The following WDHD1 variants were observed in gnomAD, a reference collection of about 807,000 sequenced individuals.
WDHD1 encodes WD repeat and HMG-box DNA binding protein 1.
WDHD1 carries 111 observed loss-of-function variants against 135.4 expected under a neutral mutation model. The ratio of observed to expected loss-of-function variants is 0.82; its 90% CI spans 0.70 to 0.96. The LOEUF (loss-of-function observed/expected upper bound fraction) is 0.96, where lower values mean the gene tolerates loss of function less well. Among genes scored for constraint, WDHD1 ranks in the 40% least tolerant of loss-of-function variants. The pLI, the probability that WDHD1 is intolerant of heterozygous loss-of-function variation, is 0.00. For synonymous variants in WDHD1, 434 were observed against 439.0 expected (o/e 0.99, Z 0.14); for missense variants, 1,351 against 1,336.3 (o/e 1.01, Z -0.17).
Position 54,941,406 on chromosome 14 carries a change from A to G in WDHD1, c.*84T>C. ...TTCAAACTCTTTAAAAAATATATATATAATGAGTTTCCCAAAGACTCGAGT... is the reference window on the plus strand; with the variant it reads ...TTCAAACTCTTTAAAAAATATATATGTAATGAGTTTCCCAAAGACTCGAGT... On this transcript the variant is annotated 3_prime_UTR_variant, in exon 26 of 26. Coordinates refer to ENST00000360586, the MANE Select transcript of WDHD1 (RefSeq NM_007086.4). 1 of 1,123,284 alleles carries G rather than the reference A, an allele frequency of 8.9e-7. No individual in the cohort carries two copies. The highest frequency in any genetic ancestry group is 1.6e-5 in the African/African-American group (1 of 63,544). The allele number at this position is 1,123,284 out of a possible 1,614,324, so 69.6% of individuals were successfully genotyped here.
intron 21 of WDHD1, among the ~76,000 whole-genome samples, chr14:54,961,750 T>C (rs201423106): frequency 4.6e-5 from 7 of 152,256 alleles, no homozygotes; most frequent in East Asian, 3.9e-4. Flanking sequence ...ATAAGGTTTA[T>C]GCTCCCCACC....
intron 12 of WDHD1, among the ~76,000 whole-genome samples, chr14:54,989,659 CAT>C (rs2041752391): frequency 6.6e-6 from 1 of 150,694 alleles, no homozygotes; most frequent in Admixed American, 6.6e-5. Context: ...TTTAAGAAAA[CAT>C]AATTTTTTTT....
intron 16 of WDHD1, among the ~76,000 whole-genome samples, chr14:54,978,968 T>A (rs1034105723): frequency 1.3e-5 from 2 of 152,202 alleles, no homozygotes; most frequent in African/African-American, 4.8e-5. Flanking sequence ...ATCTAAAAGC[T>A]ACTACTTTTT....
At position 55,026,759 on chromosome 14, in the gene WDHD1, T is replaced by C. The variant is rs1014488657; in HGVS notation, c.29A>G (p.Tyr10Cys). 5 of 1,614,228 alleles carry C rather than the reference T, an allele frequency of 3.1e-6. No individual in the cohort carries two copies. The East Asian group carries it at 1.1e-4, about 36-fold the overall frequency. Residue 10 changes from tyrosine to cysteine, a missense_variant, in exon 2 of 26, where the codon TAT becomes TGT. By Grantham distance (194) the Tyr-to-Cys change is radical (BLOSUM62 -2). This residue lies in a region of WDHD1 where 21 missense variants were observed against 40.2 expected (regional missense o/e 0.52). Transcript: ENST00000360586. The stretch of plus-strand genomic sequence containing the variant: ...CTCCGTGTGTCCCTCTGTATGCCCA[T>C]ATCTCATTGGCTTCCGTGTGGCAGG... MPATRKPMRYGHTEGHTEVC... is the reference protein window; with the variant it reads MPATRKPMRCGHTEGHTEVC...
chr14:54,996,117 TAGAAA>T (rs1364101188), intron 10 of WDHD1, among the ~76,000 whole-genome samples: 4 of 152,224 alleles, frequency 2.6e-5, no homozygotes, highest in African/African-American at 9.6e-5. Flanking sequence ...AGTCATTCCC[TAGAAA>T]AGAAGTGATA....
chr14:55,002,148 T>C lies in WDHD1; in HGVS notation c.638A>G (p.Tyr213Cys). 1 of 1,605,904 alleles carries C rather than the reference T, an allele frequency of 6.2e-7. No individual in the cohort carries two copies. The highest frequency in any genetic ancestry group is 8.5e-7 in the Non-Finnish European group (1 of 1,177,722). Residue 213 changes from tyrosine to cysteine, a missense_variant, in exon 8 of 26, where the codon TAT (tyrosine) becomes TGT (cysteine). Coordinates refer to ENST00000360586, the MANE Select transcript of WDHD1 (RefSeq NM_007086.4). ...TTGATGACTCCAAGATTCTCTTCTA[T>C]ATAGCTTAACAGATTTTTCCACAGG... is the stretch of plus-strand genomic sequence containing the variant. ...AIPVEKSVKL[Y>C]RRESWSHQFD... is the part of the protein sequence containing the mutation.
At chr14:55,005,687 T>C (rs756052166) in intron 7 of WDHD1, 4 of 492,014 alleles carry the variant, frequency 8.1e-6, no homozygotes, top group Non-Finnish European at 1.5e-5. Flanking sequence ...GTTCTAGACA[T>C]TGTGAAAGTT....
Position 54,962,482 on chromosome 14 carries a change from T to C in WDHD1, c.2701+16A>G, listed in dbSNP as rs377641986. 4 of 1,599,814 alleles carry C rather than the reference T, an allele frequency of 2.5e-6. No individual in the cohort carries two copies. In the African/African-American group the frequency reaches 5.4e-5, roughly 21 times the overall value. On this transcript the variant is annotated intron_variant, in intron 21 of 25. Transcript: ENST00000360586. ...CAAAATTTCCTTGATATTACAAATT[T>C]ATAAATATTTCTCACCTGACTTAGC...
intron 2 of WDHD1, 96 bp downstream of exon 2, chr14:55,026,615 T>G: frequency 8.4e-7 from 1 of 1,185,968 alleles, no homozygotes; most frequent in Non-Finnish European, 1.3e-6. Flanking sequence ...TATTCCTCTA[T>G]CCGCATGAGT....
chr14:55,025,701 C>T (rs1232589916), intron 2 of WDHD1, among the ~76,000 whole-genome samples: 3 of 152,244 alleles, frequency 2.0e-5, no homozygotes, highest in Non-Finnish European at 2.9e-5. Context: ...ACATCCATTG[C>T]CTAACTTCAC....
chr14:54,941,228 T>C lies in WDHD1; in HGVS notation c.*262A>G, dbSNP rs2040832683. The C allele has an allele frequency of 3.5e-6, 1 of 283,500 alleles. No individual in the cohort carries two copies. The highest frequency in any genetic ancestry group is 6.5e-6 in the Non-Finnish European group (1 of 154,498). 17.6% of individuals were successfully genotyped at this position (283,500 alleles called of 1,614,324 possible). On this transcript the variant is annotated 3_prime_UTR_variant, in exon 26 of 26. Transcript: ENST00000360586. ...GGTTAAGAAACAAATTCAAATTGGT[T>C]GGAGCTTCAACTCAGTAATTACAAT...
chr14:54,978,957 G>A (rs1177510485), intron 16 of WDHD1, among the ~76,000 whole-genome samples: 1 of 152,014 alleles, frequency 6.6e-6, no homozygotes, highest in Admixed American at 6.6e-5. Flanking sequence ...TTAGACAGGT[G>A]ATCTAAAAGC....
rs2041786303 is a variant in WDHD1 at position 54,991,394 on chromosome 14, G to A, written c.1160C>T (p.Ser387Leu). Residue 387 changes from serine (S) to leucine (L), a missense_variant, in exon 12 of 26, where the codon TCA becomes TTA. Transcript: ENST00000360586. The part of the protein sequence containing the change: ...LEDDENSVDI[S>L]MLKTGSSLLK... ...AAGACTAGAACCAGTTTTTAGCATT[G>A]AAATATCTACAACACAAAGGATCAT... is the stretch of plus-strand genomic sequence containing the variant. 6.2e-7 allele frequency: 1 copy of A among 1,613,286 alleles called. No individual in the cohort carries two copies. The highest frequency in any genetic ancestry group is 1.7e-5 in the Admixed American group (1 of 59,970).
chr14:54,967,517 T>C, intron 16 of WDHD1, 123 bp from the exon 17 acceptor site: 1 of 584,906 alleles, frequency 1.7e-6, no homozygotes, highest in South Asian at 2.1e-5. Flanking sequence ...GCCTTAATCA[T>C]ATATAACAAA....
Position 54,943,856 on chromosome 14 carries a change from A to G in WDHD1, c.3189+476T>C, listed in dbSNP as rs150246023. On this transcript the variant is annotated intron_variant, in intron 25 of 25. Transcript: ENST00000360586. ...GGTTGTCTCTATAAAAAAAAAAAAG[A>G]GGACAATTGCTTGTGCCCAGGAGGT... Among the ~76,000 whole-genome samples, 191 of 151,870 alleles carry G rather than the reference A, an allele frequency of 1.3e-3. 1 individual carries two copies. Among genetic ancestry groups the G allele is most frequent in the Middle Eastern group, 3.4e-3 (1 of 294 alleles).
intron 24 of WDHD1, among the ~76,000 whole-genome samples, chr14:54,945,617 T>C (rs1029573500): frequency 6.6e-6 from 1 of 152,224 alleles, no homozygotes; most frequent in African/African-American, 2.4e-5. Flanking sequence ...ATTGGCTTAC[T>C]GCAACCTCCA....
intron 3 of WDHD1, among the ~76,000 whole-genome samples, chr14:55,012,823 G>GC (rs2042192899): frequency 6.6e-6 from 1 of 152,074 alleles, no homozygotes; most frequent in South Asian, 2.1e-4. Context: ...TGAGGCCAGA[G>GC]CCCTCATGGT....
chr14:54,989,280 T>A, intron 12 of WDHD1, 68 bp from the exon 13 acceptor site: 11 of 1,102,342 alleles, frequency 1.0e-5, no homozygotes, highest in Non-Finnish European at 1.4e-5. Context: ...TAAGCCACAG[T>A]AGTACAAATT....
At chr14:54,982,305 G>A (rs966566207) in intron 15 of WDHD1, among the ~76,000 whole-genome samples, 3 of 152,116 alleles carry the variant, frequency 2.0e-5, no homozygotes, top group Admixed American at 6.5e-5. Flanking sequence ...CACCGCGCCC[G>A]GCCGATAATA....
Sources: gnomAD v4.1 joint callset for allele counts (sites outside exome capture counted in the v4.1 genomes callset) on GRCh38, gnomAD v4.1.1 for gene constraint, gnomAD v4.1.1 regional missense constraint, MANE v1.5 for transcripts, NCBI Gene and HGNC (gene_info 2026-07-23, HGNC 2026-07-21) for gene names.